WNT6: variants seen among roughly 807,000 people sequenced by gnomAD.
The protein encoded by WNT6 is protein Wnt-6.
Under a neutral mutation model 33.1 loss-of-function variants are expected in WNT6, and 27 were observed. That is an observed-to-expected ratio of 0.82 (90% CI 0.60 to 1.12). The LOEUF (loss-of-function observed/expected upper bound fraction) is 1.12, where lower values mean the gene tolerates loss of function less well. WNT6 is among the 50% of genes most tolerant of loss of function. The pLI is 0.00. For synonymous variants in WNT6, 249 were observed against 242.8 expected (o/e 1.03, Z -0.24); for missense variants, 494 against 535.3 (o/e 0.92, Z 0.76).
intron 1 of WNT6, among the ~76,000 whole-genome samples, chr2:218,869,192 C>T (rs1448964027): frequency 1.3e-5 from 2 of 151,056 alleles, no homozygotes; most frequent in Non-Finnish European, 2.9e-5. Context: ...GTACGGATGA[C>T]GGCAGCAACT....
chr2:218,871,752 G>A lies in WNT6; in HGVS notation c.569G>A (p.Arg190Gln), dbSNP rs768082435. The A allele has an allele frequency of 7.5e-6, 12 of 1,602,546 alleles. No homozygotes were observed. The highest frequency in any genetic ancestry group is 2.1e-4 in the Middle Eastern group (1 of 4,838). Residue 190 changes from arginine (R) to glutamine (Q), a missense_variant, in exon 3 of 4, where the codon CGG (arginine) becomes CAG (glutamine). Coordinates refer to ENST00000233948, the MANE Select transcript of WNT6 (RefSeq NM_006522.4). This position sits in a 1 kb window ranked among gnomAD's most constrained non-coding sequence, Gnocchi z 6.4. The stretch of plus-strand genomic sequence containing the variant: ...AAGTCGAGGCTCTTTATGGACGCGC[G>A]GCACAAGCGGGGACGCGGAGACATC... Reference protein sequence around the residue: ...DEKSRLFMDARHKRGRGDIRA... With the variant: ...DEKSRLFMDAQHKRGRGDIRA...
intron 1 of WNT6, among the ~76,000 whole-genome samples, chr2:218,861,939 C>G (rs73993324): frequency 0.036 from 5,509 of 152,262 alleles, 304 homozygotes; most frequent in African/African-American, 0.12. Context: ...TCTTTAGGAG[C>G]CCTGAGGCCT....
intron 1 of WNT6, among the ~76,000 whole-genome samples, chr2:218,861,729 C>G (rs1427769934): frequency 6.6e-6 from 1 of 152,156 alleles, no homozygotes; most frequent in Non-Finnish European, 1.5e-5. Context: ...CTTCCCCTCC[C>G]TCCCCCTCTG....
rs1463926853 is a variant in WNT6 at position 218,871,610 on chromosome 2, C to T, written c.427C>T (p.Pro143Ser). 7 of 1,486,974 alleles carry T rather than the reference C, an allele frequency of 4.7e-6. No homozygotes were observed. Among genetic ancestry groups the T allele is most frequent in the South Asian group, 4.0e-5 (3 of 75,042 alleles). 92.1% of individuals were successfully genotyped at this position (1,486,974 alleles called of 1,614,324 possible). A position where few individuals can be genotyped will look rare whatever the true frequency, so the allele number is the denominator to read the frequency against. ...GCQAPRGRAP[P>S]RPSGLPGTPG... Reference sequence around the variant, plus strand: ...CCAGGCGCCCCGCGGGCGGGCCCCTCCCCGGCCCTCCGGCCTGCCCGGCAC... The same window carrying T: ...CCAGGCGCCCCGCGGGCGGGCCCCTTCCCGGCCCTCCGGCCTGCCCGGCAC... The change falls in exon 3 of 4, where the codon CCC becomes TCC. Residue 143 changes from proline (P) to serine (S), a missense_variant. Coordinates refer to ENST00000233948, the MANE Select transcript of WNT6 (RefSeq NM_006522.4). This position sits in a 1 kb window ranked among gnomAD's most constrained non-coding sequence, Gnocchi z 6.4.
chr2:218,873,559 C>A lies in WNT6; in HGVS notation c.812C>A (p.Pro271His). ...ACCAACGACGGCAAGGCCCTGCTGC[C>A]CGCCGTCCGCACGCTCAAGCCGCCG... ...MGTNDGKALL[P>H]AVRTLKPPGR... Residue 271 changes from proline (P) to histidine (H), a missense_variant, in exon 4 of 4, where the codon CCC becomes CAC. Physicochemically the swap from Pro to His is moderately conservative, Grantham distance 77 (BLOSUM62 -2). Coordinates refer to ENST00000233948, the MANE Select transcript of WNT6 (RefSeq NM_006522.4). This position sits in a 1 kb window ranked among gnomAD's most constrained non-coding sequence, Gnocchi z 6.1. 2 of 1,537,812 alleles carry A rather than the reference C, an allele frequency of 1.3e-6. No individual in the cohort carries two copies. Among genetic ancestry groups the A allele is most frequent in the South Asian group, 2.4e-5 (2 of 84,116 alleles).
At chr2:218,865,903 G>T (rs1280886542) in intron 1 of WNT6, among the ~76,000 whole-genome samples, 2 of 142,060 alleles carry the variant, frequency 1.4e-5, no homozygotes, top group Non-Finnish European at 3.1e-5. Context: ...ACCAAGTTGG[G>T]TTAGGGGTGG....
intron 1 of WNT6, among the ~76,000 whole-genome samples, chr2:218,861,612 A>G (rs1256881983): frequency 6.6e-6 from 1 of 152,138 alleles, no homozygotes; most frequent in Non-Finnish European, 1.5e-5. Context: ...TAAAATCCAG[A>G]GTTCCAAGGA....
intron 3 of WNT6, among the ~76,000 whole-genome samples, chr2:218,872,260 G>A (rs770883269): frequency 1.7e-4 from 26 of 152,190 alleles, no homozygotes; most frequent in Non-Finnish European, 3.1e-4. Flanking sequence ...GCAAGGTCTG[G>A]GGTTTTGGTA....
In WNT6 at chr2:218,867,863, G is replaced by T. The variant is rs1239699354; in HGVS notation, c.81-3164G>T. 6.6e-6 allele frequency among the ~76,000 whole-genome samples: 1 copy of T among 152,194 alleles called. No individual in the cohort carries two copies. The highest frequency in any genetic ancestry group is 1.5e-5 in the Non-Finnish European group (1 of 68,042). ...TTGTCAAAAGCCAAAGTTATAGGGG[G>T]TACGTGAGTCTCTCATGCTAACTCC... On this transcript the variant is annotated intron_variant, in intron 1 of 3. Coordinates refer to ENST00000233948, the MANE Select transcript of WNT6 (RefSeq NM_006522.4). This position sits in a 1 kb window ranked among gnomAD's most constrained non-coding sequence, Gnocchi z 4.9.
Position 218,873,926 on chromosome 2 carries a change from T to C in WNT6, c.*81T>C. The C allele has an allele frequency of 7.5e-7, 1 of 1,331,166 alleles. No individual in the cohort carries two copies. Among genetic ancestry groups the C allele is most frequent in the Non-Finnish European group, 9.7e-7 (1 of 1,026,160 alleles). 82.5% of individuals were successfully genotyped at this position (1,331,166 alleles called of 1,614,324 possible). ...CCTCAGGGCACCGGCACCGGGCGCC[T>C]CTCGCCGCTCGAGCCCAGCCTCTCC... On this transcript the variant is annotated 3_prime_UTR_variant, in exon 4 of 4. Transcript: ENST00000233948. This position sits in a 1 kb window ranked among gnomAD's most constrained non-coding sequence, Gnocchi z 6.1.
In WNT6 at chr2:218,871,720, G is replaced by A. The variant is rs1944403715; in HGVS notation, c.537G>A (p.Gly179=). The change falls in exon 3 of 4, where the codon GGG becomes GGA. Residue 179 remains glycine, a synonymous_variant. Coordinates refer to ENST00000233948, the MANE Select transcript of WNT6 (RefSeq NM_006522.4). The surrounding 1 kb of genome is among the most constrained non-coding windows in gnomAD (Gnocchi z 6.4). ...GCTGCGGCGACGACGTGGACTTCGGGGACGAGAAGTCGAGGCTCTTTATGG... is the reference window on the plus strand; with the variant it reads ...GCTGCGGCGACGACGTGGACTTCGGAGACGAGAAGTCGAGGCTCTTTATGG... ...WGGCGDDVDF[G]DEKSRLFMDA... is the part of the protein sequence containing the mutation. The A allele has an allele frequency of 6.3e-7, 1 of 1,593,762 alleles. No homozygotes were observed.
intron 3 of WNT6, among the ~76,000 whole-genome samples, chr2:218,872,244 G>A (rs1370382545): frequency 6.6e-6 from 1 of 152,166 alleles, no homozygotes; most frequent in African/African-American, 2.4e-5. Context: ...CAGGATAGAA[G>A]CTAATGCAAG....
chr2:218,869,711 A>G (rs1184779947), intron 1 of WNT6, among the ~76,000 whole-genome samples: 1 of 152,184 alleles, frequency 6.6e-6, no homozygotes, highest in Non-Finnish European at 1.5e-5. Context: ...CCAGGTATGA[A>G]TCCCTAAGGA....
chr2:218,874,041 G>A lies in WNT6; in HGVS notation c.*196G>A. The A allele has an allele frequency of 6.2e-6, 4 of 646,706 alleles. No individual in the cohort carries two copies. The highest frequency in any genetic ancestry group is 9.7e-6 in the Non-Finnish European group (4 of 412,468). 40.1% of individuals were successfully genotyped at this position (646,706 alleles called of 1,614,324 possible). On this transcript the variant is annotated 3_prime_UTR_variant, in exon 4 of 4. Coordinates refer to ENST00000233948, the MANE Select transcript of WNT6 (RefSeq NM_006522.4). ...CCCACGAAGGCCCAGGGCGCCAGAC[G>A]GCCCCGAAAAGGCGCTCGGGGAGCG...
chr2:218,871,778 C>G lies in WNT6; in HGVS notation c.595C>G (p.Arg199Gly), dbSNP rs149156287. The change falls in exon 3 of 4, where the codon CGC (arginine) becomes GGC (glycine). Residue 199 changes from arginine to glycine, a missense_variant. By Grantham distance (125) the Arg-to-Gly change is moderately radical. Coordinates refer to ENST00000233948, the MANE Select transcript of WNT6 (RefSeq NM_006522.4). This position sits in a 1 kb window ranked among gnomAD's most constrained non-coding sequence, Gnocchi z 6.4. ...GCACAAGCGGGGACGCGGAGACATC[C>G]GCGCGTTGGTGCAACTGCACAACAA... ...ARHKRGRGDI[R>G]ALVQLHNNEA... is the part of the protein sequence containing the mutation. 6.3e-7 allele frequency: 1 copy of G among 1,599,504 alleles called. No individual in the cohort carries two copies. Among genetic ancestry groups the G allele is most frequent in the Non-Finnish European group, 8.5e-7 (1 of 1,174,318 alleles).
At chr2:218,862,662 C>T (rs1944320272) in intron 1 of WNT6, among the ~76,000 whole-genome samples, 2 of 151,226 alleles carry the variant, frequency 1.3e-5, no homozygotes, top group Non-Finnish European at 2.9e-5. Context: ...GGATTACAGG[C>T]CCAGCCATTA....
chr2:218,862,344 T>TTTTA (rs760211997), intron 1 of WNT6, among the ~76,000 whole-genome samples: 10 of 152,180 alleles, frequency 6.6e-5, no homozygotes, highest in African/African-American at 1.4e-4. Context: ...TTATTTCTAT[T>TTTTA]TTTATTTATT....
intron 1 of WNT6, among the ~76,000 whole-genome samples, chr2:218,865,342 T>G (rs1944345826): frequency 6.6e-6 from 1 of 152,196 alleles, no homozygotes; most frequent in Non-Finnish European, 1.5e-5. Context: ...AGGCACTCCC[T>G]CGGGTGCTTC....
intron 1 of WNT6, among the ~76,000 whole-genome samples, chr2:218,864,597 C>T (rs773512266): frequency 2.6e-5 from 4 of 152,186 alleles, no homozygotes; most frequent in Non-Finnish European, 2.9e-5. Context: ...AAGAAACTAA[C>T]CCTCCCCTTG....
Sources: allele counts gnomAD v4.1 joint callset (sites outside exome capture counted in the v4.1 genomes callset), GRCh38; gene constraint gnomAD v4.1.1; non-coding constraint Gnocchi (gnomAD v3.1); transcripts MANE v1.5; gene names NCBI Gene and HGNC (gene_info 2026-07-23, HGNC 2026-07-21).